The following SYCP2 variants were observed in gnomAD, a reference collection of about 807,000 sequenced individuals.
SYCP2 encodes synaptonemal complex protein 2.
A neutral mutation model predicts 211.3 loss-of-function variants in SYCP2; 55 were observed. The ratio of observed to expected loss-of-function variants is 0.26; its 90% confidence interval spans 0.21 to 0.33. The LOEUF is 0.33. Ranked by LOEUF, SYCP2 falls within the 10% of genes least tolerant of loss-of-function variation. The pLI is 1.00. For synonymous variants in SYCP2, 570 were observed against 555.2 expected, an observed-to-expected ratio of 1.03 and a Z score of -0.37; for missense variants, 1,731 against 1,752.0, an observed-to-expected ratio of 0.99 and a Z score of 0.21.
At chr20:59,898,542 C>T (rs2060054550) in intron 18 of SYCP2, among the ~76,000 whole-genome samples, 1 of 152,090 alleles carries the variant, frequency 6.6e-6, no homozygotes, top group Non-Finnish European at 1.5e-5. Context: ...AGAAGAACAT[C>T]ACACACTGGG....
At chr20:59,865,465 T>C (rs749533878) in intron 43 of SYCP2, 21 bp from the exon 44 acceptor site, 91 of 1,600,886 alleles carry the variant, frequency 5.7e-5, no homozygotes, top group Non-Finnish European at 5.1e-5. Context: ...GTAAATATAT[T>C]TCACCCATGA....
intron 36 of SYCP2, among the ~76,000 whole-genome samples, chr20:59,869,228 T>G (rs1377860686): frequency 6.6e-6 from 1 of 151,708 alleles, no homozygotes; most frequent in Non-Finnish European, 1.5e-5. Context: ...AAAACTAAAG[T>G]TTAAACTACT....
intron 35 of SYCP2, among the ~76,000 whole-genome samples, chr20:59,873,090 A>G (rs1285208593): frequency 2.0e-5 from 3 of 152,022 alleles, no homozygotes; most frequent in African/African-American, 7.2e-5. Flanking sequence ...ATAGTACCTC[A>G]CCCTATTATA....
chr20:59,875,412 C>G lies in SYCP2; in HGVS notation c.3208G>C (p.Val1070Leu). The G allele has an allele frequency of 4.3e-6, 7 of 1,612,668 alleles. No homozygotes were observed. The highest frequency in any genetic ancestry group is 5.9e-6 in the Non-Finnish European group (7 of 1,179,272). ...TVKLPKKQQK[V>L]FCAETEKELS... Reference sequence around the variant, plus strand: ...TCCTTTTCTGTTTCAGCACAGAAGACTTTCTGTTGTTTCTTTGGTAGCTTT... The same window carrying G: ...TCCTTTTCTGTTTCAGCACAGAAGAGTTTCTGTTGTTTCTTTGGTAGCTTT... Residue 1070 changes from valine to leucine, a missense_variant, in exon 34 of 45, where the codon GTC becomes CTC. Transcript: ENST00000357552.
At chr20:59,929,264 A>G (rs2060689767) in intron 2 of SYCP2, among the ~76,000 whole-genome samples, 1 of 152,062 alleles carries the variant, frequency 6.6e-6, no homozygotes, top group South Asian at 2.1e-4. Context: ...ACGAAGTCAC[A>G]GTGGGAATAA....
intron 25 of SYCP2, among the ~76,000 whole-genome samples, chr20:59,886,385 A>G (rs2059788423): frequency 6.6e-6 from 1 of 152,068 alleles, no homozygotes. Flanking sequence ...TCATTAAGCA[A>G]TGTATTTAAA....
At chr20:59,879,862 T>TATATATATATAC (rs1469618397) in intron 31 of SYCP2, among the ~76,000 whole-genome samples, 6 of 116,076 alleles carry the variant, frequency 5.2e-5, no homozygotes, top group Non-Finnish European at 1.1e-4. Context: ...TATATATATA[T>TATATATATATAC]ACACACACAC....
intron 18 of SYCP2, 38 bp from the exon 19 acceptor site, chr20:59,896,566 T>A (rs2060012062): frequency 3.7e-6 from 4 of 1,088,254 alleles, no homozygotes; most frequent in Non-Finnish European, 2.8e-6. Context: ...GTAAACACAG[T>A]CTTTTTGAAA....
intron 2 of SYCP2, among the ~76,000 whole-genome samples, chr20:59,926,661 C>G (rs1189509468): frequency 6.6e-6 from 1 of 152,062 alleles, no homozygotes; most frequent in Non-Finnish European, 1.5e-5. Context: ...TTTAGGGGAA[C>G]ACAATTCAAC....
At chr20:59,916,364 G>A (rs2060442656) in intron 8 of SYCP2, 122 bp downstream of exon 8, 1 of 620,480 alleles carries the variant, frequency 1.6e-6, no homozygotes, top group Non-Finnish European at 2.9e-6. Flanking sequence ...AATAGATTAT[G>A]ATAGAAATAT....
chr20:59,914,351 GAATAT>G (rs1369738113), intron 10 of SYCP2, 100 bp from the exon 11 acceptor site: 4 of 590,262 alleles, frequency 6.8e-6, no homozygotes, highest in East Asian at 3.0e-5. Context: ...AGAGAAATAA[GAATAT>G]ATTAATGTAA....
chr20:59,893,278 T>C (rs1600881865), intron 21 of SYCP2, 79 bp from the exon 22 acceptor site: 2 of 996,554 alleles, frequency 2.0e-6, no homozygotes, highest in African/African-American at 1.6e-5. Context: ...TATAGAAATC[T>C]ATAAAGGTTC....
chr20:59,876,018 GGATAA>G (rs10557809), intron 33 of SYCP2, among the ~76,000 whole-genome samples: 3,675 of 152,044 alleles, frequency 0.024, 157 homozygotes, highest in African/African-American at 0.081. Flanking sequence ...CTTTGAAGAG[GGATAA>G]GATGAGAGGT....
At chr20:59,886,014 T>TC (rs1276750613) in intron 25 of SYCP2, 50 bp from the exon 26 acceptor site, 3 of 1,345,852 alleles carry the variant, frequency 2.2e-6, no homozygotes, top group Admixed American at 2.1e-5. Flanking sequence ...AGTATCAATA[T>TC]CATAAAAGTC....
intron 24 of SYCP2, among the ~76,000 whole-genome samples, chr20:59,889,141 T>A (rs117948317): frequency 0.019 from 2,938 of 152,138 alleles, 40 homozygotes; most frequent in Middle Eastern, 0.041. Context: ...TTCTGTGCAA[T>A]ACTGTAATGG....
intron 33 of SYCP2, among the ~76,000 whole-genome samples, chr20:59,875,731 C>T (rs1024307269): frequency 6.6e-6 from 1 of 151,838 alleles, no homozygotes; most frequent in African/African-American, 2.4e-5. Context: ...AGATTATATC[C>T]AGTTTAGGAA....
intron 7 of SYCP2, among the ~76,000 whole-genome samples, chr20:59,916,880 C>G (rs2060453335): frequency 6.6e-6 from 1 of 152,098 alleles, no homozygotes; most frequent in East Asian, 1.9e-4. Flanking sequence ...GATCGTGCCA[C>G]TGTACTCCAG....
Position 59,932,139 on chromosome 20 carries a change from G to A in SYCP2, c.-124C>T, listed in dbSNP as rs991556950. On this transcript the variant is annotated 5_prime_UTR_variant, in exon 2 of 45. Transcript: ENST00000357552. ...AGCGAGCAACACAGAGAACTAGTAA[G>A]ATGATGATTGTGTATCTGCAGGCAG... 2.0e-5 allele frequency: 3 copies of A among 151,980 alleles called. No individual in the cohort carries two copies. Among genetic ancestry groups the A allele is most frequent in the African/African-American group, 7.3e-5 (3 of 41,240 alleles). 9.4% of individuals were successfully genotyped at this position (151,980 alleles called of 1,614,324 possible).
intron 15 of SYCP2, among the ~76,000 whole-genome samples, chr20:59,906,099 T>C (rs2060208712): frequency 6.6e-6 from 1 of 152,118 alleles, no homozygotes; most frequent in African/African-American, 2.4e-5. Flanking sequence ...AATGGAGAGA[T>C]ACACCATGTT....
Sources: allele counts gnomAD v4.1 joint callset (sites outside exome capture counted in the v4.1 genomes callset), GRCh38; gene constraint gnomAD v4.1.1; transcripts MANE v1.5; gene names NCBI Gene and HGNC (gene_info 2026-07-23, HGNC 2026-07-21).